The following TTLL8 variants were observed in gnomAD, a reference collection of about 807,000 sequenced individuals.
The protein encoded by TTLL8 is tubulin tyrosine ligase like 8.
A neutral mutation model predicts 77.8 loss-of-function variants in TTLL8; 65 were observed. The ratio of observed to expected loss-of-function variants is 0.84; its 90% CI spans 0.68 to 1.03. TTLL8 has a LOEUF of 1.03. TTLL8 is among the 50% of genes least tolerant of loss of function. The pLI is 0.00. For missense variants in TTLL8, 910 were observed against 1,004.5 expected (o/e 0.91, Z 1.27); for synonymous variants, 402 against 422.8 (o/e 0.95, Z 0.60).
intron 12 of TTLL8, among the ~76,000 whole-genome samples, chr22:50,023,191 A>C (rs2061214609): frequency 6.6e-6 from 1 of 152,272 alleles, no homozygotes; most frequent in Non-Finnish European, 1.5e-5. Flanking sequence ...AAGTATCAAA[A>C]ATCCATCAAA....
chr22:50,035,438 C>G (rs1224047757), intron 8 of TTLL8, among the ~76,000 whole-genome samples: 1 of 152,114 alleles, frequency 6.6e-6, no homozygotes, highest in Non-Finnish European at 1.5e-5. Flanking sequence ...GGAACTGTGG[C>G]CGGGGGTGCC....
intron 12 of TTLL8, chr22:50,027,545 A>G: frequency 1.1e-6 from 1 of 889,572 alleles, no homozygotes; most frequent in Non-Finnish European, 1.3e-6. Context: ...AAAAAAAAAA[A>G]AAAAAAGGAT....
rs2061319552 is a variant in TTLL8, at chr22:50,034,265, GA to G, written c.1039+79del. 1 of 1,275,872 alleles carries G rather than the reference GA, an allele frequency of 7.8e-7. No individual in the cohort carries two copies. Among genetic ancestry groups the G allele is most frequent in the Admixed American group, 2.3e-5 (1 of 43,466 alleles). 79.0% of individuals were successfully genotyped at this position (1,275,872 alleles called of 1,614,324 possible). ...TCCTTCCCTGTGGTGCTGTGGGCCT[GA>G]AACTGTCCCTCACTCACGGCTCCTG... On this transcript the variant is annotated intron_variant, in intron 9 of 13. Coordinates refer to ENST00000266182, the Ensembl canonical transcript of TTLL8. The surrounding 1 kb of genome is among the most constrained non-coding windows in gnomAD (Gnocchi z 4.1).
intron 12 of TTLL8, among the ~76,000 whole-genome samples, chr22:50,029,964 C>A (rs1047206512): frequency 2.0e-5 from 3 of 151,464 alleles, no homozygotes; most frequent in Admixed American, 2.0e-4. Context: ...CGGAAGAGCC[C>A]GATGGGGGCC....
exon 11 of TTLL8, chr22:50,031,874 G>A: frequency 7.3e-7 from 1 of 1,367,366 alleles, no homozygotes; most frequent in Non-Finnish European, 9.8e-7. Flanking sequence ...GCCCCGTAGA[G>A]CTCAAAGCTG....
chr22:50,028,382 T>A (rs2066800265), intron 12 of TTLL8, among the ~76,000 whole-genome samples: 3 of 152,192 alleles, frequency 2.0e-5, no homozygotes, highest in Admixed American at 2.0e-4. Context: ...GTCATTGGTG[T>A]CTGGGAGGCC....
upstream of TTLL8, among the ~76,000 whole-genome samples, chr22:50,055,918 T>C (rs1433206824): frequency 6.6e-6 from 1 of 152,028 alleles, no homozygotes; most frequent in Non-Finnish European, 1.5e-5. Context: ...GGTGAAGGCA[T>C]TCTAAGTCAC....
At chr22:50,043,768 A>G (rs1021322650) in intron 6 of TTLL8, among the ~76,000 whole-genome samples, 1 of 152,200 alleles carries the variant, frequency 6.6e-6, no homozygotes, top group Non-Finnish European at 1.5e-5. Flanking sequence ...CCCATCTGAA[A>G]ACGCTCCATG....
chr22:50,037,708 C>G (rs1452454670), intron 8 of TTLL8, among the ~76,000 whole-genome samples: 3 of 152,138 alleles, frequency 2.0e-5, no homozygotes, highest in Non-Finnish European at 4.4e-5. Context: ...GAGGGTCTAT[C>G]TTTAGACTCT....
At chr22:50,021,228 C>A (rs946947712) in intron 12 of TTLL8, among the ~76,000 whole-genome samples, 22 of 139,296 alleles carry the variant, frequency 1.6e-4, no homozygotes, top group African/African-American at 4.9e-4. Context: ...GACGTGCACT[C>A]CTCCATCTGA....
At chr22:50,028,701 A>G (rs9617132) in intron 12 of TTLL8, among the ~76,000 whole-genome samples, 1,719 of 12,236 alleles carry the variant, frequency 0.14, 59 homozygotes, top group Middle Eastern at 0.29. Context: ...CCATCACACC[A>G]TCCTGAAGAC....
chr22:50,027,775 A>G (rs972152625), intron 12 of TTLL8: 6 of 985,336 alleles, frequency 6.1e-6, no homozygotes, highest in Non-Finnish European at 7.2e-6. Context: ...ACACCAGGCG[A>G]GCACTAGCCT....
At chr22:50,024,083 G>A (rs560179090) in intron 12 of TTLL8, among the ~76,000 whole-genome samples, 9 of 152,280 alleles carry the variant, frequency 5.9e-5, no homozygotes, top group African/African-American at 1.9e-4. Flanking sequence ...AGTAGCCAAC[G>A]CAATTTTGAA....
At chr22:50,050,051 T>A in intron 2 of TTLL8, 58 bp downstream of exon 4, 1 of 1,343,726 alleles carries the variant, frequency 7.4e-7, no homozygotes, top group Non-Finnish European at 9.9e-7. Context: ...CGCCGACTCC[T>A]CCTGCCCGTG....
At chr22:50,055,039 A>C (rs2061463587), upstream of TTLL8, 1 of 688,708 alleles carries the variant, frequency 1.5e-6, no homozygotes. Context: ...CAGCCTGGGC[A>C]ACAAAGCAAG....
chr22:50,052,190 G>A (rs1034469099), intron 1 of TTLL8, among the ~76,000 whole-genome samples: 1 of 152,168 alleles, frequency 6.6e-6, no homozygotes, highest in African/African-American at 2.4e-5. Context: ...GCACGTGAAT[G>A]AGCCTATCAC....
intron 4 of TTLL8, among the ~76,000 whole-genome samples, chr22:50,046,760 T>C (rs2061414659): frequency 6.6e-6 from 1 of 152,068 alleles, no homozygotes; most frequent in Non-Finnish European, 1.5e-5. Flanking sequence ...TGGGCCTTGG[T>C]GGGAAGGGTG....
upstream of TTLL8, among the ~76,000 whole-genome samples, chr22:50,058,076 C>T (rs1275291048): frequency 6.6e-6 from 1 of 151,290 alleles, no homozygotes; most frequent in Non-Finnish European, 1.5e-5. The surrounding 1 kb of genome is among the most constrained non-coding windows in gnomAD (Gnocchi z 4.2). Context: ...GTTCCGAAGG[C>T]AGATGGGGAG....
chr22:50,053,180 C>T (rs983104917), intron 1 of TTLL8, among the ~76,000 whole-genome samples: 4 of 149,232 alleles, frequency 2.7e-5, no homozygotes, highest in African/African-American at 1.0e-4. Context: ...CAAGACTGTG[C>T]CACTGCACTC....
Sources: allele counts gnomAD v4.1 joint callset (sites outside exome capture counted in the v4.1 genomes callset), GRCh38; gene constraint gnomAD v4.1.1; non-coding constraint Gnocchi (gnomAD v3.1); transcripts MANE v1.5; gene names NCBI Gene and HGNC (gene_info 2026-07-23, HGNC 2026-07-21).